Variants in DCC observed in about 807,000 individuals in gnomAD.
DCC encodes netrin receptor DCC.
A neutral mutation model predicts 172.5 loss-of-function variants in DCC; 58 were observed. The ratio of observed to expected loss-of-function variants is 0.34; its 90% CI spans 0.27 to 0.42. DCC has a LOEUF of 0.42. Ranked by LOEUF, DCC falls within the 10% of genes least tolerant of loss-of-function variation. The probability of loss-of-function intolerance (pLI) is 1.00; values close to 1 mark genes in which losing one functional copy is unlikely to be tolerated. For synonymous variants in DCC, 709 were observed against 644.5 expected, an observed-to-expected ratio of 1.10 and a Z score of -1.52; for missense variants, 1,740 against 1,791.0, an observed-to-expected ratio of 0.97 and a Z score of 0.51.
chr18:53,294,658 AC>A lies in DCC; in HGVS notation c.1912-10917del, dbSNP rs371394879. ...AGATTAACAAAATGAAGGGGGACTC[AC>A]CCGGAAACAAGGCAGTGTCCCCACC... On this transcript the variant is annotated intron_variant, in intron 12 of 28. Coordinates refer to ENST00000442544, the MANE Select transcript of DCC (RefSeq NM_005215.4). 4.5e-4 allele frequency among the ~76,000 whole-genome samples: 68 copies of A among 152,302 alleles called. 1 individual carries two copies. Among genetic ancestry groups the A allele is most frequent in the African/African-American group, 1.6e-3 (68 of 41,576 alleles).
intron 7 of DCC, 91 bp from the exon 8 acceptor site, chr18:53,157,265 A>T (rs1014636605): frequency 6.8e-7 from 1 of 1,472,396 alleles, no homozygotes; most frequent in Non-Finnish European, 9.5e-7. Flanking sequence ...TATGACATGG[A>T]GATGCTTGCT....
chr18:53,075,712 C>G (rs1015581288), intron 7 of DCC, among the ~76,000 whole-genome samples: 2 of 152,098 alleles, frequency 1.3e-5, no homozygotes, highest in African/African-American at 4.8e-5. Flanking sequence ...AACATACATA[C>G]ATATAGATTA....
chr18:53,363,463 A>C (rs1568083309), intron 15 of DCC, among the ~76,000 whole-genome samples: 1 of 152,234 alleles, frequency 6.6e-6, no homozygotes, highest in Non-Finnish European at 1.5e-5. Context: ...TCTTACAGTC[A>C]TACTCAGAAG....
intron 20 of DCC, among the ~76,000 whole-genome samples, chr18:53,412,540 G>A (rs1910042993): frequency 6.6e-6 from 1 of 152,108 alleles, no homozygotes; most frequent in African/African-American, 2.4e-5. Context: ...TCTGATTTAA[G>A]ATTTTCACTT....
At chr18:53,033,027 A>G (rs931015947) in intron 5 of DCC, among the ~76,000 whole-genome samples, 1 of 152,158 alleles carries the variant, frequency 6.6e-6, no homozygotes, top group Non-Finnish European at 1.5e-5. Flanking sequence ...CATTCAGGTT[A>G]AATAGAGTTA....
intron 1 of DCC, among the ~76,000 whole-genome samples, chr18:52,439,460 C>A: frequency 6.6e-6 from 1 of 152,216 alleles, no homozygotes; most frequent in East Asian, 1.9e-4. Flanking sequence ...GGTGAGGCAT[C>A]TGGACCATTG....
At chr18:53,103,240 G>A (rs2043198520) in intron 7 of DCC, among the ~76,000 whole-genome samples, 1 of 152,024 alleles carries the variant, frequency 6.6e-6, no homozygotes, top group African/African-American at 2.4e-5. Flanking sequence ...TTCTATCAGT[G>A]AGAGACAGAA....
At chr18:52,477,923 CCTCAGCCTCCTGT>C (rs1268763504) in intron 1 of DCC, among the ~76,000 whole-genome samples, 1 of 152,078 alleles carries the variant, frequency 6.6e-6, no homozygotes. Context: ...GATCCTCCTG[CCTCAGCCTCCTGT>C]GTAGCTGGGA....
intron 8 of DCC, among the ~76,000 whole-genome samples, chr18:53,167,069 G>C (rs184967007): frequency 3.9e-5 from 6 of 152,200 alleles, no homozygotes; most frequent in Admixed American, 2.6e-4. Flanking sequence ...TAAGAATAAC[G>C]TAACTCCTTC....
chr18:53,514,274 C>A (rs1173457120), intron 27 of DCC, among the ~76,000 whole-genome samples: 2 of 151,722 alleles, frequency 1.3e-5, no homozygotes, highest in Non-Finnish European at 2.9e-5. Context: ...ACACAACATA[C>A]CAGAATCTCT....
intron 2 of DCC, chr18:52,816,761 CACTT>C (rs1167827101): frequency 4.6e-5 from 7 of 152,120 alleles, no homozygotes; most frequent in Non-Finnish European, 8.8e-5. Context: ...GCCCCAAACT[CACTT>C]ATATTTCCTG....
Position 52,773,899 on chromosome 18 carries a change from A to T in DCC, c.412+21525A>T, listed in dbSNP as rs8082950. ...ACAACAACAATTTGTAGGAAAGATAAATCAGATACAGGGGGAAGACAGATG... is the reference window on the plus strand; with the variant it reads ...ACAACAACAATTTGTAGGAAAGATATATCAGATACAGGGGGAAGACAGATG... On this transcript the variant is annotated intron_variant, in intron 2 of 28. Transcript: ENST00000442544. 3.8e-3 allele frequency among the ~76,000 whole-genome samples: 582 copies of T among 152,284 alleles called. 12 individuals carry two copies. Among genetic ancestry groups the T allele is most frequent in the African/African-American group, 0.014 (564 of 41,544 alleles).
At chr18:53,044,616 G>T (rs2042212018) in intron 5 of DCC, among the ~76,000 whole-genome samples, 1 of 151,736 alleles carries the variant, frequency 6.6e-6, no homozygotes, top group Non-Finnish European at 1.5e-5. Flanking sequence ...TACTTAAGTA[G>T]GGTTCTCTTC....
intron 1 of DCC, among the ~76,000 whole-genome samples, chr18:52,487,055 T>A (rs993845053): frequency 1.3e-5 from 2 of 152,152 alleles, no homozygotes; most frequent in Non-Finnish European, 2.9e-5. Flanking sequence ...ACTGAGTTAA[T>A]AATCGTTTTT....
At chr18:53,297,781 C>G (rs1295083488) in intron 12 of DCC, among the ~76,000 whole-genome samples, 1 of 152,146 alleles carries the variant, frequency 6.6e-6, no homozygotes, top group African/African-American at 2.4e-5. Context: ...CTTCCTAAAA[C>G]ACAATATAAT....
At chr18:53,096,432 C>T (rs535469053) in intron 7 of DCC, among the ~76,000 whole-genome samples, 1 of 152,086 alleles carries the variant, frequency 6.6e-6, no homozygotes, top group African/African-American at 2.4e-5. Flanking sequence ...CTAACAACTG[C>T]GTGGTCAGAT....
At chr18:53,262,325 A>T (rs1333787476) in intron 12 of DCC, among the ~76,000 whole-genome samples, 1 of 152,186 alleles carries the variant, frequency 6.6e-6, no homozygotes, top group African/African-American at 2.4e-5. Context: ...TTTTCTGCAA[A>T]TTCTAATATT....
chr18:52,980,628 CA>C (rs1374526364), intron 5 of DCC, among the ~76,000 whole-genome samples: 3 of 151,648 alleles, frequency 2.0e-5, no homozygotes, highest in African/African-American at 7.3e-5. Flanking sequence ...AAAATTGTGA[CA>C]TTTTCATAGC....
chr18:52,605,408 G>T (rs1050020423), intron 1 of DCC, among the ~76,000 whole-genome samples: 1 of 152,068 alleles, frequency 6.6e-6, no homozygotes. Context: ...TACTGCATTC[G>T]ATTTGTTAGG....
Sources: gnomAD v4.1 joint callset for allele counts (sites outside exome capture counted in the v4.1 genomes callset) on GRCh38, gnomAD v4.1.1 for gene constraint, MANE v1.5 for transcripts, NCBI Gene and HGNC (gene_info 2026-07-23, HGNC 2026-07-21) for gene names.